The following AOC1 variants were observed in gnomAD, a reference collection of about 807,000 sequenced individuals.
AOC1 encodes amine oxidase copper containing 1.
Under a neutral mutation model 57.1 loss-of-function variants are expected in AOC1, and 58 were observed. The observed-to-expected ratio is 1.02, with a 90% CI of 0.82 to 1.26. AOC1 has a LOEUF of 1.26. Ranked by LOEUF, AOC1 falls within the 50% of genes most tolerant of loss-of-function variation. The pLI is 0.00. For synonymous variants in AOC1, 401 were observed against 423.4 expected, an observed-to-expected ratio of 0.95 and a Z score of 0.65; for missense variants, 917 against 1,005.3, an observed-to-expected ratio of 0.91 and a Z score of 1.19.
rs1799800960 is a variant in AOC1 at position 150,857,065 on chromosome 7, A to C, written c.595A>C (p.Ser199Arg). The change falls in exon 2 of 5, where the codon AGT (serine) becomes CGT (arginine). Residue 199 changes from serine to arginine, a missense_variant. Transcript: ENST00000360937. This position sits in a 1 kb window ranked among gnomAD's most constrained non-coding sequence, Gnocchi z 6.6. ...PRGVASGQRR[S>R]WLIIQRYVEG... Reference sequence around the variant, plus strand: ...GGGTGTGGCTTCTGGCCAGCGCCGCAGTTGGCTTATCATACAGCGCTATGT... The same window carrying C: ...GGGTGTGGCTTCTGGCCAGCGCCGCCGTTGGCTTATCATACAGCGCTATGT... 1 of 1,614,118 alleles carries C rather than the reference A, an allele frequency of 6.2e-7. No individual in the cohort carries two copies. The highest frequency in any genetic ancestry group is 8.5e-7 in the Non-Finnish European group (1 of 1,179,998).
chr7:150,854,748 C>T (rs1799724242), intron 1 of AOC1, among the ~76,000 whole-genome samples: 1 of 152,206 alleles, frequency 6.6e-6, no homozygotes, highest in Admixed American at 6.5e-5. Context: ...GAAAAGCGCT[C>T]ATGATGGTCA....
Position 150,857,488 on chromosome 7 carries a change from C to A in AOC1, c.1018C>A (p.His340Asn). 1.2e-6 allele frequency: 2 copies of A among 1,613,362 alleles called. No homozygotes were observed. Among genetic ancestry groups the A allele is most frequent in the Non-Finnish European group, 1.7e-6 (2 of 1,179,818 alleles). Residue 340 changes from histidine to asparagine, a missense_variant, in exon 2 of 5, where the codon CAC becomes AAC. Coordinates refer to ENST00000360937, the MANE Select transcript of AOC1 (RefSeq NM_001091.4). This position sits in a 1 kb window ranked among gnomAD's most constrained non-coding sequence, Gnocchi z 6.6. The stretch of plus-strand genomic sequence containing the variant: ...CTCCGGGCTGCAGGTCCTGAACGTG[C>A]ACTTCGGCGGAGAGCGCATTGCCTA... ...SSSGLQVLNV[H>N]FGGERIAYEV...
In AOC1 at chr7:150,855,004, T is replaced by C. The variant is rs528013252; in HGVS notation, c.-16-1451T>C. The stretch of plus-strand genomic sequence containing the variant: ...TCTCCAGGTTTACCCCCAGGGCTTC[T>C]GATTTAGGGAGCAAAAGGCAACTAC... On this transcript the variant is annotated intron_variant, in intron 1 of 4. Transcript: ENST00000360937. Among the ~76,000 whole-genome samples the C allele has an allele frequency of 7.8e-4, 117 of 149,998 alleles. 1 individual carries two copies. Among genetic ancestry groups the C allele is most frequent in the African/African-American group, 2.9e-3 (115 of 39,790 alleles).
chr7:150,859,376 A>T (rs1346319253), intron 3 of AOC1, among the ~76,000 whole-genome samples: 1 of 152,142 alleles, frequency 6.6e-6, no homozygotes, highest in Non-Finnish European at 1.5e-5. Flanking sequence ...CTGTGTTCTT[A>T]CAATAAAGTA....
At position 150,856,963 on chromosome 7, in the gene AOC1, T is replaced by G. The variant is rs1015982368; in HGVS notation, c.493T>G (p.Phe165Val). 1.2e-6 allele frequency: 2 copies of G among 1,614,172 alleles called. No individual in the cohort carries two copies. The highest frequency in any genetic ancestry group is 8.5e-7 in the Non-Finnish European group (1 of 1,180,004). ...GGAAGCCACCAAGCCCCTGCATCAG[T>G]TCTTCCTCAATACCACAGGCTTCTC... is the stretch of plus-strand genomic sequence containing the variant. ...LQEATKPLHQ[F>V]FLNTTGFSFQ... The change falls in exon 2 of 5, where the codon TTC (phenylalanine) becomes GTC (valine). Residue 165 changes from phenylalanine to valine, a missense_variant. Coordinates refer to ENST00000360937, the MANE Select transcript of AOC1 (RefSeq NM_001091.4). This position sits in a 1 kb window ranked among gnomAD's most constrained non-coding sequence, Gnocchi z 5.2.
In AOC1 at chr7:150,857,063, GC is replaced by G. The variant is rs770663434; in HGVS notation, c.594del (p.Ser199ValfsTer9). On this transcript the variant is annotated frameshift_variant, in exon 2 of 5. Transcript: ENST00000360937. LOFTEE classifies it high-confidence loss of function. This position sits in a 1 kb window ranked among gnomAD's most constrained non-coding sequence, Gnocchi z 6.6. The stretch of plus-strand genomic sequence containing the variant: ...CGGGGTGTGGCTTCTGGCCAGCGCC[GC>G]AGTTGGCTTATCATACAGCGCTATG... ...APRGVASGQR[R>X]SWLIIQRYVE... is the part of the protein sequence containing the mutation. 6.2e-7 allele frequency: 1 copy of G among 1,614,078 alleles called. No individual in the cohort carries two copies. The highest frequency in any genetic ancestry group is 8.5e-7 in the Non-Finnish European group (1 of 1,179,994).
Position 150,856,040 on chromosome 7 carries a change from T to A in AOC1, c.-16-415T>A, listed in dbSNP as rs1380950155. 6.6e-6 allele frequency among the ~76,000 whole-genome samples: 1 copy of A among 152,120 alleles called. No individual in the cohort carries two copies. The highest frequency in any genetic ancestry group is 1.5e-5 in the Non-Finnish European group (1 of 68,008). On this transcript the variant is annotated intron_variant, in intron 1 of 4. Coordinates refer to ENST00000360937, the MANE Select transcript of AOC1 (RefSeq NM_001091.4). This position sits in a 1 kb window ranked among gnomAD's most constrained non-coding sequence, Gnocchi z 5.2. ...CAAAATCTGTCTACCTAAAAGGTAT[T>A]TCGTTGTGTCAGAAATGTAGTTTTG... is the stretch of plus-strand genomic sequence containing the variant.
intron 2 of AOC1, 147 bp from the exon 3 acceptor site, chr7:150,858,616 C>A: frequency 1.1e-6 from 1 of 877,020 alleles, no homozygotes; most frequent in Non-Finnish European, 1.7e-6. Flanking sequence ...GGAATCACCA[C>A]AGCCGCCCAG....
chr7:150,861,296 T>A lies in AOC1; in HGVS notation c.*87T>A. ...AATAAACCCTCAGAGCCTCGCTCTG[T>A]GTGCTGCTTCTTGCGGGGAGGCACA... On this transcript the variant is annotated 3_prime_UTR_variant, in exon 5 of 5. Coordinates refer to ENST00000360937, the MANE Select transcript of AOC1 (RefSeq NM_001091.4). This position sits in a 1 kb window ranked among gnomAD's most constrained non-coding sequence, Gnocchi z 4.5. The A allele has an allele frequency of 1.4e-6, 2 of 1,418,640 alleles. No individual in the cohort carries two copies. Among genetic ancestry groups the A allele is most frequent in the Non-Finnish European group, 1.9e-6 (2 of 1,062,628 alleles). 87.9% of individuals were successfully genotyped at this position (1,418,640 alleles called of 1,614,324 possible). A position where few individuals can be genotyped will look rare whatever the true frequency, so the allele number is the denominator to read the frequency against.
intron 2 of AOC1, 28 bp from the exon 3 acceptor site, chr7:150,858,735 C>G: frequency 6.4e-7 from 1 of 1,565,766 alleles, no homozygotes. Context: ...GCTTGATTCT[C>G]GTTCTCCTTC....
In AOC1 at chr7:150,857,773, T is replaced by G; in HGVS notation, c.1303T>G (p.Phe435Val). 1 of 1,614,182 alleles carries G rather than the reference T, an allele frequency of 6.2e-7. No individual in the cohort carries two copies. Among genetic ancestry groups the G allele is most frequent in the Non-Finnish European group, 8.5e-7 (1 of 1,179,994 alleles). The change falls in exon 2 of 5, where the codon TTT becomes GTT. Residue 435 changes from phenylalanine to valine, a missense_variant. Physicochemically the swap from Phe to Val is conservative, Grantham distance 50 (BLOSUM62 -1). Coordinates refer to ENST00000360937, the MANE Select transcript of AOC1 (RefSeq NM_001091.4). The surrounding 1 kb of genome is among the most constrained non-coding windows in gnomAD (Gnocchi z 6.6). ...VPLRRHFNSN[F>V]KGGFNFYAGL... Reference sequence around the variant, plus strand: ...CCTTCGGCGGCACTTTAATTCCAACTTTAAAGGTGGCTTCAACTTCTATGC... The same window carrying G: ...CCTTCGGCGGCACTTTAATTCCAACGTTAAAGGTGGCTTCAACTTCTATGC...
At position 150,861,278 on chromosome 7, in the gene AOC1, C is replaced by A; in HGVS notation, c.*69C>A. On this transcript the variant is annotated 3_prime_UTR_variant, in exon 5 of 5. Transcript: ENST00000360937. This position sits in a 1 kb window ranked among gnomAD's most constrained non-coding sequence, Gnocchi z 4.5. ...AGCCTCACTGGGGCAGACAATAAACCCTCAGAGCCTCGCTCTGTGTGCTGC... is the reference window on the plus strand; with the variant it reads ...AGCCTCACTGGGGCAGACAATAAACACTCAGAGCCTCGCTCTGTGTGCTGC... 1 of 1,471,282 alleles carries A rather than the reference C, an allele frequency of 6.8e-7. No individual in the cohort carries two copies. The highest frequency in any genetic ancestry group is 9.1e-7 in the Non-Finnish European group (1 of 1,100,134). The allele number at this position is 1,471,282 out of a possible 1,614,324, so 91.1% of individuals were successfully genotyped here.
chr7:150,861,038 G>A lies in AOC1; in HGVS notation c.2085G>A (p.Leu695=), dbSNP rs1303990911. The A allele has an allele frequency of 6.2e-7, 1 of 1,614,076 alleles. No homozygotes were observed. Among genetic ancestry groups the A allele is most frequent in the South Asian group, 1.1e-5 (1 of 91,076 alleles). The change falls in exon 5 of 5, where the codon CTG becomes CTA. Residue 695 remains leucine, a synonymous_variant. Coordinates refer to ENST00000360937, the MANE Select transcript of AOC1 (RefSeq NM_001091.4). This position sits in a 1 kb window ranked among gnomAD's most constrained non-coding sequence, Gnocchi z 4.5. ...TATPGNSVGF[L]LRPFNFFPED... The stretch of plus-strand genomic sequence containing the variant: ...CACCTGGGAACTCCGTGGGCTTCCT[G>A]CTCCGGCCATTCAACTTCTTCCCAG...
chr7:150,858,932 C>G lies in AOC1; in HGVS notation c.1740C>G (p.Thr580=), dbSNP rs746797141. The G allele has an allele frequency of 3.1e-6, 5 of 1,612,106 alleles. No individual in the cohort carries two copies. The highest frequency in any genetic ancestry group is 3.4e-6 in the Non-Finnish European group (4 of 1,179,066). ...AGCTGCCTAAGTACCTGCTCTTTAC[C>G]AGCCCCCAGGAGAACCCCTGGGGCC... ...KRKLPKYLLF[T]SPQENPWGHK... Residue 580 remains threonine, a synonymous_variant, in exon 3 of 5, where the codon ACC becomes ACG. Transcript: ENST00000360937.
intron 3 of AOC1, chr7:150,860,092 T>TGG (rs1799921769): frequency 5.4e-6 from 1 of 185,150 alleles, no homozygotes; most frequent in South Asian, 1.5e-4. Context: ...GGCAGGAGAA[T>TGG]CACTTGAACC....
At position 150,857,121 on chromosome 7, in the gene AOC1, G is replaced by A; in HGVS notation, c.651G>A (p.Leu217=). 5 of 1,614,024 alleles carry A rather than the reference G, an allele frequency of 3.1e-6. No individual in the cohort carries two copies. The highest frequency in any genetic ancestry group is 4.2e-6 in the Non-Finnish European group (5 of 1,179,998). ...VEGYFLHPTG[L]ELLVDHGSTD... ...GCTACTTTCTGCACCCCACTGGGCT[G>A]GAGCTCCTCGTGGATCATGGGAGCA... Residue 217 remains leucine, a synonymous_variant, in exon 2 of 5, where the codon CTG becomes CTA. Transcript: ENST00000360937. The surrounding 1 kb of genome is among the most constrained non-coding windows in gnomAD (Gnocchi z 6.6).
At position 150,861,437 on chromosome 7, in the gene AOC1, C is replaced by T. The variant is rs4725374; in HGVS notation, c.*228C>T. On this transcript the variant is annotated 3_prime_UTR_variant, in exon 5 of 5. Transcript: ENST00000360937. The surrounding 1 kb of genome is among the most constrained non-coding windows in gnomAD (Gnocchi z 4.5). ...ACACACAGACGTGCACGCACTCACA[C>T]GGACATGCACACACATGGCATGTAC... The T allele has an allele frequency of 0.21, 100,394 of 484,536 alleles. 11,192 individuals are homozygous for T. The highest frequency in any genetic ancestry group is 0.24 in the African/African-American group (12,536 of 52,598). The allele number at this position is 484,536 out of a possible 1,614,324, so 30.0% of individuals were successfully genotyped here.
chr7:150,857,855 A>T lies in AOC1; in HGVS notation c.1385A>T (p.Asp462Val). The T allele has an allele frequency of 6.2e-7, 1 of 1,613,888 alleles. No individual in the cohort carries two copies. The highest frequency in any genetic ancestry group is 1.1e-5 in the South Asian group (1 of 91,066). Residue 462 changes from aspartate (D) to valine (V), a missense_variant, in exon 2 of 5, where the codon GAT (aspartate) becomes GTT (valine). Coordinates refer to ENST00000360937, the MANE Select transcript of AOC1 (RefSeq NM_001091.4). The surrounding 1 kb of genome is among the most constrained non-coding windows in gnomAD (Gnocchi z 6.6). Reference protein sequence around the residue: ...LRTTSTVYNYDYIWDFIFYPN... With the variant: ...LRTTSTVYNYVYIWDFIFYPN... ...ACAACTTCAACTGTCTACAATTATG[A>T]TTACATTTGGGACTTTATCTTCTAC...
rs752378481 is a variant in AOC1, at chr7:150,856,744, C to A, written c.274C>A (p.His92Asn). The A allele has an allele frequency of 1.9e-6, 3 of 1,614,198 alleles. No homozygotes were observed. Among genetic ancestry groups the A allele is most frequent in the Non-Finnish European group, 1.7e-6 (2 of 1,180,000 alleles). ...VLRFLDKGER[H>N]PVREARAVIF... Reference sequence around the variant, plus strand: ...GAGGTTTCTGGATAAAGGTGAAAGGCATCCTGTGCGGGAAGCCCGTGCCGT... The same window carrying A: ...GAGGTTTCTGGATAAAGGTGAAAGGAATCCTGTGCGGGAAGCCCGTGCCGT... The change falls in exon 2 of 5, where the codon CAT (histidine) becomes AAT (asparagine). Residue 92 changes from histidine (H) to asparagine (N), a missense_variant. By Grantham distance (68) the His-to-Asn change is moderately conservative (BLOSUM62 1). Coordinates refer to ENST00000360937, the MANE Select transcript of AOC1 (RefSeq NM_001091.4). This position sits in a 1 kb window ranked among gnomAD's most constrained non-coding sequence, Gnocchi z 5.2.
Sources: allele counts gnomAD v4.1 joint callset (sites outside exome capture counted in the v4.1 genomes callset), GRCh38; gene constraint gnomAD v4.1.1; non-coding constraint Gnocchi (gnomAD v3.1); transcripts MANE v1.5; gene names NCBI Gene and HGNC (gene_info 2026-07-23, HGNC 2026-07-21).